The following TTC39A variants were observed in gnomAD, a reference collection of about 807,000 sequenced individuals.
TTC39A encodes the protein tetratricopeptide repeat protein 39A.
TTC39A carries 46 observed loss-of-function variants against 82.3 expected under a neutral mutation model. That is an observed-to-expected ratio of 0.56 (90% CI 0.44 to 0.71). The LOEUF (loss-of-function observed/expected upper bound fraction) is 0.71. Among genes scored for constraint, TTC39A ranks in the 30% least tolerant of loss-of-function variants. The pLI is 0.00. For missense variants in TTC39A, 543 were observed against 712.9 expected (o/e 0.76, Z 2.71); for synonymous variants, 254 against 275.2 (o/e 0.92, Z 0.76).
At chr1:51,292,339 T>C (rs957071595) in intron 14 of TTC39A, among the ~76,000 whole-genome samples, 3 of 152,232 alleles carry the variant, frequency 2.0e-5, no homozygotes, top group Non-Finnish European at 4.4e-5. Flanking sequence ...GACATTATTG[T>C]TGTGGTTCTT....
chr1:51,335,700 C>G (rs1007568141), upstream of TTC39A, among the ~76,000 whole-genome samples: 1 of 152,082 alleles, frequency 6.6e-6, no homozygotes, highest in African/African-American at 2.4e-5. Context: ...CTAGCCGTAG[C>G]TCGAACCCAG....
At chr1:51,324,595 C>T (rs1395057084) in intron 1 of TTC39A, among the ~76,000 whole-genome samples, 1 of 152,084 alleles carries the variant, frequency 6.6e-6, no homozygotes, top group Non-Finnish European at 1.5e-5. Flanking sequence ...GATCTCAGCT[C>T]ACAGCAACCT....
In TTC39A at chr1:51,296,146, C is replaced by A; in HGVS notation, c.1078G>T (p.Ala360Ser). The change falls in exon 13 of 18, where the codon GCC (alanine) becomes TCC (serine). Residue 360 changes from alanine to serine, a missense_variant. Ala to Ser is a moderately conservative substitution (Grantham distance 99). Coordinates refer to ENST00000680483, the MANE Select transcript of TTC39A (RefSeq NM_001297663.2). ...SKATYIYMKA[A>S]YLSMFGKEDH... ...TCCTTCCCAAACATGCTGAGGTAGGCGGCCTTCATGTAAATGTAGGTGGCC... is the reference window on the plus strand; with the variant it reads ...TCCTTCCCAAACATGCTGAGGTAGGAGGCCTTCATGTAAATGTAGGTGGCC... 5 of 1,597,482 alleles carry A rather than the reference C, an allele frequency of 3.1e-6. No individual in the cohort carries two copies. Among genetic ancestry groups the A allele is most frequent in the Non-Finnish European group, 4.3e-6 (5 of 1,172,200 alleles).
In TTC39A at chr1:51,312,883, C is replaced by A; in HGVS notation, c.207G>T (p.Met69Ile). 6.2e-7 allele frequency: 1 copy of A among 1,613,976 alleles called. No homozygotes were observed. Among genetic ancestry groups the A allele is most frequent in the African/African-American group, 1.3e-5 (1 of 75,042 alleles). ...TYATILEMQA[M>I]MTFDPQDILL... Reference sequence around the variant, plus strand: ...GGATGTCCTGAGGGTCAAAGGTCATCATGGCCTGCATCTCCAGGATGGTGG... The same window carrying A: ...GGATGTCCTGAGGGTCAAAGGTCATAATGGCCTGCATCTCCAGGATGGTGG... The change falls in exon 3 of 18, where the codon ATG becomes ATT. Residue 69 changes from methionine to isoleucine, a missense_variant. Physicochemically the swap from Met to Ile is conservative, Grantham distance 10. Coordinates refer to ENST00000680483, the MANE Select transcript of TTC39A (RefSeq NM_001297663.2).
At chr1:51,306,132 C>A in intron 6 of TTC39A, 56 bp from the exon 7 acceptor site, 1 of 1,452,962 alleles carries the variant, frequency 6.9e-7, no homozygotes, top group Non-Finnish European at 9.6e-7. Flanking sequence ...GGGGTAGGGG[C>A]TGGGACCCCT....
chr1:51,298,881 G>T (rs897849845), intron 12 of TTC39A: 12 of 152,334 alleles, frequency 7.9e-5, no homozygotes, highest in Non-Finnish European at 1.6e-4. Context: ...GGTTTCCCAA[G>T]CCCTGAGCAC....
Position 51,330,411 on chromosome 1 carries a change from C to A in TTC39A, c.41+26G>T. On this transcript the variant is annotated intron_variant, in intron 1 of 17. Transcript: ENST00000680483. This position sits in a 1 kb window ranked among gnomAD's most constrained non-coding sequence, Gnocchi z 4.5. ...GGCCCCAGCCCGCGCCGCCCGCGCC[C>A]CCGGGCCTCCCAGCCGCGCACTTAC... 1 of 980,338 alleles carries A rather than the reference C, an allele frequency of 1.0e-6. No homozygotes were observed. Among genetic ancestry groups the A allele is most frequent in the South Asian group, 4.6e-5 (1 of 21,656 alleles). The allele number at this position is 980,338 out of a possible 1,614,324, so 60.7% of individuals were successfully genotyped here.
rs188061853 is a variant in TTC39A, at chr1:51,328,316, C to T, written c.41+2121G>A. 2.3e-3 allele frequency among the ~76,000 whole-genome samples: 347 copies of T among 152,154 alleles called. 9 individuals are homozygous for T. The highest frequency in any genetic ancestry group is 7.8e-3 in the African/African-American group (324 of 41,424). Reference sequence around the variant, plus strand: ...ACAAGAATATTCACTGTCTGAATAGCAAGACACTGGGAACACTTCGACATC... The same window carrying T: ...ACAAGAATATTCACTGTCTGAATAGTAAGACACTGGGAACACTTCGACATC... On this transcript the variant is annotated intron_variant, in intron 1 of 17. Transcript: ENST00000680483.
intron 6 of TTC39A, among the ~76,000 whole-genome samples, chr1:51,307,727 T>G (rs1644924644): frequency 1.5e-5 from 2 of 135,312 alleles, no homozygotes; most frequent in African/African-American, 5.9e-5. Flanking sequence ...AGAGCAAGAC[T>G]CTGTCTCAAA....
upstream of TTC39A, chr1:51,331,604 G>A: frequency 4.1e-6 from 4 of 985,452 alleles, no homozygotes; most frequent in Non-Finnish European, 4.8e-6. Flanking sequence ...AGGGGAGCCA[G>A]GCAGTTTGGG....
Position 51,294,590 on chromosome 1 carries a change from G to T in TTC39A, c.1146-79C>A. The T allele has an allele frequency of 6.3e-7, 1 of 1,587,464 alleles. No homozygotes were observed. Among genetic ancestry groups the T allele is most frequent in the African/African-American group, 1.3e-5 (1 of 74,642 alleles). On this transcript the variant is annotated intron_variant, in intron 13 of 17. Coordinates refer to ENST00000680483, the MANE Select transcript of TTC39A (RefSeq NM_001297663.2). This position sits in a 1 kb window ranked among gnomAD's most constrained non-coding sequence, Gnocchi z 4.3. ...GAGGGTCCCCAGCCTACCCAGCTAT[G>T]CTTGGCGCCTCTCTGGGCCTCAGTT...
At chr1:51,305,300 C>T (rs1376513658) in intron 7 of TTC39A, among the ~76,000 whole-genome samples, 154 bp from the exon 8 acceptor site, 1 of 152,166 alleles carries the variant, frequency 6.6e-6, no homozygotes, top group Non-Finnish European at 1.5e-5. Flanking sequence ...TTTTCCAAAG[C>T]TCGGGCAGTA....
chr1:51,339,647 G>A lies in TTC39A; in HGVS notation c.53+5344C>T, dbSNP rs774358501. Among the ~76,000 whole-genome samples, 112 of 152,298 alleles carry A rather than the reference G, an allele frequency of 7.4e-4. 1 individual carries two copies. The highest frequency in any genetic ancestry group is 1.2e-3 in the Non-Finnish European group (82 of 68,020). ...GTTTTTAAAAGTTATAGCCTGGCCA[G>A]GCATGGTGGCTCATGCCTATAATCC... On this transcript the variant is annotated intron_variant, in intron 1 of 5. Coordinates refer to the TTC39A transcript ENST00000401051.
chr1:51,330,399 G>C lies in TTC39A; in HGVS notation c.41+38C>G, dbSNP rs2148311764. On this transcript the variant is annotated intron_variant, in intron 1 of 17. Transcript: ENST00000680483. This position sits in a 1 kb window ranked among gnomAD's most constrained non-coding sequence, Gnocchi z 4.5. ...GCCACCTGCCCGGGCCCCAGCCCGC[G>C]CCGCCCGCGCCCCCGGGCCTCCCAG... The C allele has an allele frequency of 1.0e-6, 1 of 977,102 alleles. No individual in the cohort carries two copies. Among genetic ancestry groups the C allele is most frequent in the Non-Finnish European group, 1.2e-6 (1 of 825,208 alleles). 60.5% of individuals were successfully genotyped at this position (977,102 alleles called of 1,614,324 possible).
rs1338082205 is a variant in TTC39A, at chr1:51,311,246, G to T, written c.423+8C>A. The T allele has an allele frequency of 3.2e-6, 5 of 1,574,070 alleles. No individual in the cohort carries two copies. The highest frequency in any genetic ancestry group is 4.3e-6 in the Non-Finnish European group (5 of 1,159,610). ...TCCCAGCCTCTTTGTACAAGTGGGG[G>T]TCCCTACCTGCAGGAAGGTCAGGGC... is the stretch of plus-strand genomic sequence containing the variant. On this transcript the variant is annotated splice_region_variant and intron_variant, in intron 5 of 17. Coordinates refer to ENST00000680483, the MANE Select transcript of TTC39A (RefSeq NM_001297663.2).
intron 6 of TTC39A, among the ~76,000 whole-genome samples, chr1:51,309,024 C>T (rs1035469343): frequency 2.0e-5 from 3 of 152,200 alleles, no homozygotes; most frequent in African/African-American, 7.2e-5. Context: ...CAGCAGGGGC[C>T]AGGCACGGAG....
chr1:51,342,405 T>C (rs1188090601), intron 1 of TTC39A, among the ~76,000 whole-genome samples: 1 of 152,126 alleles, frequency 6.6e-6, no homozygotes, highest in Non-Finnish European at 1.5e-5. Flanking sequence ...CTTCAATAGA[T>C]CTTTCCACAG....
chr1:51,290,097 G>C lies in TTC39A; in HGVS notation c.1401C>G (p.Asp467Glu), dbSNP rs752716688. 6.8e-6 allele frequency: 11 copies of C among 1,613,858 alleles called. No homozygotes were observed. In the South Asian group the frequency reaches 1.2e-4, roughly 18 times the overall value. ...KGPENEYSVD[D>E]ECLVKLLKGL... is the part of the protein sequence containing the mutation. Reference sequence around the variant, plus strand: ...CTTTCAACAATTTCACCAAGCACTCGTCATCCACTGAGTACTCGTTCTCTG... The same window carrying C: ...CTTTCAACAATTTCACCAAGCACTCCTCATCCACTGAGTACTCGTTCTCTG... The change falls in exon 16 of 18, where the codon GAC becomes GAG. Residue 467 changes from aspartate (D) to glutamate (E), a missense_variant. By Grantham distance (45) the Asp-to-Glu change is conservative (BLOSUM62 2). Coordinates refer to ENST00000680483, the MANE Select transcript of TTC39A (RefSeq NM_001297663.2).
chr1:51,313,789 A>C (rs1645180274), intron 2 of TTC39A, among the ~76,000 whole-genome samples: 1 of 152,236 alleles, frequency 6.6e-6, no homozygotes, highest in Admixed American at 6.5e-5. Flanking sequence ...GTTTGAGCCC[A>C]GGAGTTTGAG....
Sources: allele counts gnomAD v4.1 joint callset (sites outside exome capture counted in the v4.1 genomes callset), GRCh38; gene constraint gnomAD v4.1.1; non-coding constraint Gnocchi (gnomAD v3.1); transcripts MANE v1.5; gene names NCBI Gene and HGNC (gene_info 2026-07-23, HGNC 2026-07-21).